CSPP1: variants seen among roughly 807,000 people sequenced by gnomAD.
CSPP1 encodes the protein centrosome and spindle pole associated protein 1, also known as centrosome and spindle pole-associated protein 1.
Under a neutral mutation model 164.4 loss-of-function variants are expected in CSPP1, and 126 were observed. The ratio of observed to expected loss-of-function variants is 0.77; its 90% CI spans 0.66 to 0.89. The LOEUF is 0.89. CSPP1 is among the 40% of genes least tolerant of loss of function. The pLI, the probability that CSPP1 is intolerant of heterozygous loss-of-function variation, is 0.00. For synonymous variants in CSPP1, 472 were observed against 476.7 expected, an observed-to-expected ratio of 0.99 and a Z score of 0.13; for missense variants, 1,395 against 1,449.8, an observed-to-expected ratio of 0.96 and a Z score of 0.61.
Position 67,080,633 on chromosome 8 carries a change from T to A in CSPP1, c.199+4052T>A, listed in dbSNP as rs147088837. ...CAGGTCTGACCATCTGGCTATAAAT[T>A]TGGGGGTTTCCCCTATCCCCTCAAG... On this transcript the variant is annotated intron_variant, in intron 3 of 30. Transcript: ENST00000678616. 1.9e-3 allele frequency among the ~76,000 whole-genome samples: 284 copies of A among 152,328 alleles called. 3 individuals carry two copies. Among genetic ancestry groups the A allele is most frequent in the African/African-American group, 6.5e-3 (272 of 41,568 alleles).
intron 17 of CSPP1, among the ~76,000 whole-genome samples, chr8:67,140,067 C>A (rs1396930212): frequency 1.3e-5 from 2 of 152,030 alleles, no homozygotes; most frequent in East Asian, 3.9e-4. Flanking sequence ...TTGAGGCCCA[C>A]TTTAATTTAT....
At chr8:67,182,860 T>C (rs1032709070) in intron 28 of CSPP1, among the ~76,000 whole-genome samples, 17 of 152,230 alleles carry the variant, frequency 1.1e-4, no homozygotes, top group Non-Finnish European at 5.9e-5. Flanking sequence ...GGGAGTTCTT[T>C]ATTATCTATT....
At chr8:67,136,387 G>A (rs767956200) in intron 16 of CSPP1, among the ~76,000 whole-genome samples, 23 of 151,766 alleles carry the variant, frequency 1.5e-4, no homozygotes, top group Non-Finnish European at 2.8e-4. Context: ...TGGCTAATGC[G>A]GTGAAACCCC....
chr8:67,124,952 TGTGAG>T (rs1819775945), intron 15 of CSPP1, among the ~76,000 whole-genome samples: 1 of 152,174 alleles, frequency 6.6e-6, no homozygotes, highest in Non-Finnish European at 1.5e-5. Context: ...GGATTATAGA[TGTGAG>T]CCATTGTGCC....
chr8:67,070,421 C>T (rs1338462038), intron 1 of CSPP1, among the ~76,000 whole-genome samples: 1 of 150,554 alleles, frequency 6.6e-6, no homozygotes, highest in Non-Finnish European at 1.5e-5. Context: ...CGAGATCGCG[C>T]CACTGCACTC....
chr8:67,069,727 C>T (rs1315072672), intron 1 of CSPP1, among the ~76,000 whole-genome samples: 2 of 148,264 alleles, frequency 1.3e-5, no homozygotes, highest in Admixed American at 6.8e-5. Context: ...GGCATGATCT[C>T]GGCTCACTGC....
At chr8:67,141,503 A>T (rs1394141562) in intron 17 of CSPP1, among the ~76,000 whole-genome samples, 1 of 152,148 alleles carries the variant, frequency 6.6e-6, no homozygotes, top group Non-Finnish European at 1.5e-5. Context: ...TTTATTTTGT[A>T]TGTGGATGCT....
At chr8:67,184,437 C>G (rs573483559) in intron 28 of CSPP1, among the ~76,000 whole-genome samples, 24 of 152,108 alleles carry the variant, frequency 1.6e-4, no homozygotes, top group Non-Finnish European at 2.8e-4. Flanking sequence ...ATTACTAATA[C>G]CAGAAACAGG....
chr8:67,158,338 GCAAAAAGAGGGTA>G, intron 19 of CSPP1, 96 bp from the exon 20 acceptor site: 1 of 1,212,140 alleles, frequency 8.2e-7, no homozygotes, highest in Non-Finnish European at 1.1e-6. Flanking sequence ...TTAGGAACAT[GCAAAAAGAGGGTA>G]CAAGTGTTGA....
At chr8:67,092,678 C>T (rs1179027025) in intron 5 of CSPP1, among the ~76,000 whole-genome samples, 1 of 152,080 alleles carries the variant, frequency 6.6e-6, no homozygotes, top group African/African-American at 2.4e-5. Context: ...CTCCTGACCT[C>T]GTGATCCACC....
intron 8 of CSPP1, 57 bp downstream of exon 8, chr8:67,103,192 G>C (rs146989456): frequency 1.4e-5 from 14 of 1,019,518 alleles, no homozygotes; most frequent in Non-Finnish European, 1.9e-5. Flanking sequence ...AACAGAATGT[G>C]CCTAAAACTG....
At chr8:67,179,306 T>C (rs577303741) in intron 27 of CSPP1, among the ~76,000 whole-genome samples, 125 of 152,326 alleles carry the variant, frequency 8.2e-4, no homozygotes, top group Middle Eastern at 6.8e-3. Flanking sequence ...ATTGTGGCAA[T>C]TGCTGTCACA....
At chr8:67,163,700 C>T (rs1828801564) in intron 22 of CSPP1, 32 bp from the exon 23 acceptor site, 2 of 1,537,848 alleles carry the variant, frequency 1.3e-6, no homozygotes, top group South Asian at 2.3e-5. Context: ...GGAAGACATA[C>T]TGAACATGTC....
At chr8:67,162,693 A>T (rs1451290778) in intron 22 of CSPP1, among the ~76,000 whole-genome samples, 1 of 152,164 alleles carries the variant, frequency 6.6e-6, no homozygotes, top group Non-Finnish European at 1.5e-5. Flanking sequence ...TGGAGATAAG[A>T]TGCTTTTGCA....
intron 1 of CSPP1, 58 bp from the exon 2 acceptor site, chr8:67,074,185 G>A: frequency 2.1e-6 from 2 of 943,738 alleles, no homozygotes; most frequent in Admixed American, 2.1e-5. Flanking sequence ...CCTACATGTT[G>A]ATAATTAGGC....
At chr8:67,177,914 T>C (rs904921337) in intron 27 of CSPP1, among the ~76,000 whole-genome samples, 188 bp downstream of exon 27, 3 of 152,212 alleles carry the variant, frequency 2.0e-5, no homozygotes, top group East Asian at 1.9e-4. Flanking sequence ...TTGTAATGGC[T>C]AAGAACAAGA....
In CSPP1 at chr8:67,079,733, C is replaced by T. The variant is rs148605434; in HGVS notation, c.199+3152C>T. Among the ~76,000 whole-genome samples the T allele has an allele frequency of 7.9e-4, 120 of 152,280 alleles. 1 individual carries two copies. Among genetic ancestry groups the T allele is most frequent in the African/African-American group, 2.6e-3 (110 of 41,558 alleles). ...GCTAGATTGGGTTGGTCAATCCTGT[C>T]ATGTGCTTCTAGAGGATTTGTTCTC... On this transcript the variant is annotated intron_variant, in intron 3 of 30. Transcript: ENST00000678616.
At chr8:67,104,626 CT>C (rs1432527294) in intron 8 of CSPP1, among the ~76,000 whole-genome samples, 2 of 150,948 alleles carry the variant, frequency 1.3e-5, no homozygotes, top group African/African-American at 4.9e-5. Flanking sequence ...TTTACGTGCA[CT>C]TTTTTTCTTT....
At chr8:67,099,668 T>A (rs1813612827) in intron 7 of CSPP1, among the ~76,000 whole-genome samples, 1 of 152,180 alleles carries the variant, frequency 6.6e-6, no homozygotes, top group Non-Finnish European at 1.5e-5. Context: ...GGACTTTTTT[T>A]GTTCAGAAAA....
Sources: allele counts gnomAD v4.1 joint callset (sites outside exome capture counted in the v4.1 genomes callset), GRCh38; gene constraint gnomAD v4.1.1; transcripts MANE v1.5; gene names NCBI Gene and HGNC (gene_info 2026-07-23, HGNC 2026-07-21).